INPP5F: variants seen among roughly 807,000 people sequenced by gnomAD.
The protein encoded by INPP5F is inositol polyphosphate-5-phosphatase F, also known as phosphatidylinositide 4-phosphatase SAC2.
In INPP5F, 97 loss-of-function variants were observed where a neutral mutation model predicts 137.2. The ratio of observed to expected loss-of-function variants is 0.71; its 90% CI spans 0.60 to 0.84. The LOEUF is 0.84. Ranked by LOEUF, INPP5F falls within the 40% of genes least tolerant of loss-of-function variation. INPP5F has a pLI of 0.00. For missense variants in INPP5F, 1,271 were observed against 1,371.9 expected (o/e 0.93, Z 1.16); for synonymous variants, 504 against 476.9 (o/e 1.06, Z -0.74).
Position 119,828,398 on chromosome 10 carries a change from C to T in INPP5F, c.*618C>T, listed in dbSNP as rs1564861541. ...TACTCTGCTGCCTATACAATGTAAA[C>T]CTAGGAGCATTAAGACTTGTCACAC... On this transcript the variant is annotated 3_prime_UTR_variant, in exon 20 of 20. Coordinates refer to ENST00000650623, the MANE Select transcript of INPP5F (RefSeq NM_014937.4). The T allele has an allele frequency of 1.3e-5, 2 of 152,234 alleles. No individual in the cohort carries two copies. Among genetic ancestry groups the T allele is most frequent in the South Asian group, 2.1e-4 (1 of 4,830 alleles). 9.4% of individuals were successfully genotyped at this position (152,234 alleles called of 1,614,324 possible). A position where few individuals can be genotyped will look rare whatever the true frequency, so the allele number is the denominator to read the frequency against.
chr10:119,771,847 T>G (rs182534630), intron 2 of INPP5F, among the ~76,000 whole-genome samples: 62 of 4,868 alleles, frequency 0.013, no homozygotes, highest in East Asian at 0.047. Context: ...AGTATGGAGA[T>G]ATATATATAT....
intron 16 of INPP5F, among the ~76,000 whole-genome samples, 167 bp from the exon 17 acceptor site, chr10:119,822,260 CTTGT>C (rs572946048): frequency 1.3e-5 from 2 of 152,010 alleles, no homozygotes; most frequent in South Asian, 4.2e-4. Context: ...ATATGTTATT[CTTGT>C]TTAATTTTTA....
rs180958853 is a variant in INPP5F at position 119,791,069 on chromosome 10, C to T, written c.316-448C>T. 2.0e-5 allele frequency among the ~76,000 whole-genome samples: 3 copies of T among 152,334 alleles called. No homozygotes were observed. The East Asian group carries it at 5.8e-4, about 29-fold the overall frequency. ...TTTAGGGCTCCCACTAGAGCAGGCT[C>T]TTAAGCCATCTTCTCAACCAAAACA... On this transcript the variant is annotated intron_variant, in intron 3 of 19. Transcript: ENST00000650623.
At chr10:119,795,249 C>CG (rs1395993006) in intron 6 of INPP5F, among the ~76,000 whole-genome samples, 1 of 147,966 alleles carries the variant, frequency 6.8e-6, no homozygotes, top group African/African-American at 2.5e-5. Context: ...GCTGGCCGGG[C>CG]GGGGGGCTGA....
intron 2 of INPP5F, among the ~76,000 whole-genome samples, chr10:119,756,281 T>G (rs778267687): frequency 6.6e-5 from 10 of 152,196 alleles, no homozygotes; most frequent in Non-Finnish European, 1.2e-4. Flanking sequence ...CTACACAATT[T>G]TGAACAAATT....
At chr10:119,796,222 G>C (rs903137121) in intron 6 of INPP5F, among the ~76,000 whole-genome samples, 2 of 151,970 alleles carry the variant, frequency 1.3e-5, no homozygotes, top group Non-Finnish European at 2.9e-5. Flanking sequence ...TTCTAAGCCA[G>C]AAAATAAAGC....
intron 1 of INPP5F, among the ~76,000 whole-genome samples, chr10:119,747,896 G>C (rs1223514699): frequency 6.6e-6 from 1 of 152,204 alleles, no homozygotes; most frequent in Non-Finnish European, 1.5e-5. Flanking sequence ...TGTTAGAAAT[G>C]TTAGAAAAAA....
rs370692747 is a variant in INPP5F at position 119,781,620 on chromosome 10, A to C, written c.179-15A>C. ...TCTAAAAACGCCAGACTTTATTATG[A>C]CTCTCCTCTTTCAGATCTTCCATGG... On this transcript the variant is annotated splice_polypyrimidine_tract_variant and intron_variant, in intron 2 of 19. Transcript: ENST00000650623. 6.3e-7 allele frequency: 1 copy of C among 1,596,308 alleles called. No individual in the cohort carries two copies. The highest frequency in any genetic ancestry group is 1.3e-5 in the African/African-American group (1 of 74,438).
At chr10:119,814,309 C>A (rs996551640) in intron 15 of INPP5F, among the ~76,000 whole-genome samples, 3 of 152,114 alleles carry the variant, frequency 2.0e-5, no homozygotes, top group African/African-American at 7.2e-5. Flanking sequence ...ATTGCTTGAA[C>A]CCGGCAGGCG....
At chr10:119,793,288 G>A (rs534704289) in intron 6 of INPP5F, among the ~76,000 whole-genome samples, 9 of 152,266 alleles carry the variant, frequency 5.9e-5, no homozygotes, top group South Asian at 4.1e-4. Context: ...TTTATTGCTA[G>A]AACAGAAATA....
chr10:119,794,639 AGGTGGGG>A (rs1850264988), intron 6 of INPP5F, among the ~76,000 whole-genome samples: 4 of 145,016 alleles, frequency 2.8e-5, no homozygotes, highest in African/African-American at 1.0e-4. Context: ...GCGGCTGGCC[AGGTGGGG>A]GGCTGACCCC....
rs187975256 is a variant in INPP5F at position 119,736,600 on chromosome 10, C to T, written c.97+10241C>T. The stretch of plus-strand genomic sequence containing the variant: ...GAAATGTCCTAATTACACTGTGGGA[C>T]CTTTCATGAAAGTCCTTTTGTTTAG... On this transcript the variant is annotated intron_variant, in intron 1 of 19. Coordinates refer to ENST00000650623, the MANE Select transcript of INPP5F (RefSeq NM_014937.4). 1.6e-3 allele frequency among the ~76,000 whole-genome samples: 251 copies of T among 152,272 alleles called. 2 individuals carry two copies. Among genetic ancestry groups the T allele is most frequent in the Non-Finnish European group, 2.6e-3 (176 of 68,030 alleles).
At chr10:119,741,524 T>C (rs1848375269) in intron 1 of INPP5F, among the ~76,000 whole-genome samples, 1 of 152,114 alleles carries the variant, frequency 6.6e-6, no homozygotes, top group Admixed American at 6.5e-5. Flanking sequence ...TTATTTTTAT[T>C]TATTAATTTT....
intron 1 of INPP5F, among the ~76,000 whole-genome samples, chr10:119,739,908 C>T (rs779535867): frequency 6.6e-6 from 1 of 152,188 alleles, no homozygotes; most frequent in African/African-American, 2.4e-5. Flanking sequence ...TGTAAGCTAC[C>T]ACACCCAGTC....
chr10:119,757,511 C>T (rs934622901), intron 2 of INPP5F, among the ~76,000 whole-genome samples: 4 of 151,708 alleles, frequency 2.6e-5, no homozygotes, highest in Admixed American at 1.3e-4. Flanking sequence ...TAGTCAAGGC[C>T]GGGCATGTGG....
intron 2 of INPP5F, among the ~76,000 whole-genome samples, chr10:119,774,849 T>C (rs893920203): frequency 6.6e-6 from 1 of 152,202 alleles, no homozygotes; most frequent in Non-Finnish European, 1.5e-5. Context: ...ACAATATGTA[T>C]AGTTAGTTTT....
chr10:119,806,877 G>A (rs1355882842), intron 12 of INPP5F, among the ~76,000 whole-genome samples: 2 of 151,522 alleles, frequency 1.3e-5, no homozygotes, highest in African/African-American at 4.9e-5. Context: ...AGCTGCTGAC[G>A]GGAGGAACAC....
chr10:119,726,679 C>G (rs1847903079), intron 1 of INPP5F, among the ~76,000 whole-genome samples: 1 of 152,240 alleles, frequency 6.6e-6, no homozygotes, highest in African/African-American at 2.4e-5. Flanking sequence ...AAAGTTCCAG[C>G]AAGGTGCACC....
intron 2 of INPP5F, among the ~76,000 whole-genome samples, chr10:119,780,883 A>G (rs1849677609): frequency 1.3e-5 from 2 of 152,160 alleles, no homozygotes; most frequent in Admixed American, 1.3e-4. Context: ...ATACTACACC[A>G]TTTTACATGA....
Sources: allele counts gnomAD v4.1 joint callset (sites outside exome capture counted in the v4.1 genomes callset), GRCh38; gene constraint gnomAD v4.1.1; transcripts MANE v1.5; gene names NCBI Gene and HGNC (gene_info 2026-07-23, HGNC 2026-07-21).